RAVER2: variants seen among roughly 807,000 people sequenced by gnomAD.
RAVER2 encodes ribonucleoprotein, PTB binding 2.
A neutral mutation model predicts 78.1 loss-of-function variants in RAVER2; 46 were observed. That is an observed-to-expected ratio of 0.59 (90% CI 0.46 to 0.75). The LOEUF is 0.75. Among genes scored for constraint, RAVER2 ranks in the 30% least tolerant of loss-of-function variants. The probability of loss-of-function intolerance (pLI) is 0.00; values close to 1 mark genes in which losing one functional copy is unlikely to be tolerated. For missense variants in RAVER2, 793 were observed against 837.5 expected, an observed-to-expected ratio of 0.95 and a Z score of 0.66; for synonymous variants, 311 against 313.3, an observed-to-expected ratio of 0.99 and a Z score of 0.08.
chr1:64,832,700 C>G (rs1654188059), exon 12 of RAVER2: 1 of 152,124 alleles, frequency 6.6e-6, no homozygotes, highest in Non-Finnish European at 1.5e-5. Flanking sequence ...TGGAAAATGA[C>G]TGACAGCTAG....
Position 64,749,500 on chromosome 1 carries a change from C to T in RAVER2, c.249+4079C>T, listed in dbSNP as rs188607309. On this transcript the variant is annotated intron_variant, in intron 1 of 11. Transcript: ENST00000294428. ...TGCTGGGATTACAGGCGTGAGCCAC[C>T]GTGCCCGGCCAGTCCTGCATTGGAT... 1.4e-3 allele frequency among the ~76,000 whole-genome samples: 216 copies of T among 152,326 alleles called. 1 individual carries two copies. The highest frequency in any genetic ancestry group is 2.3e-3 in the Non-Finnish European group (156 of 68,028).
intron 1 of RAVER2, among the ~76,000 whole-genome samples, chr1:64,754,749 G>A (rs934008475): frequency 6.6e-6 from 1 of 152,210 alleles, no homozygotes; most frequent in Admixed American, 6.5e-5. Context: ...GTTGAAAAGT[G>A]CTGTTGCAGG....
At chr1:64,805,127 AGAAG>A in intron 8 of RAVER2, 22 bp downstream of exon 8, 1 of 1,576,194 alleles carries the variant, frequency 6.3e-7, no homozygotes, top group Non-Finnish European at 8.7e-7. Context: ...GTATTTACTG[AGAAG>A]TCAGTAAACA....
chr1:64,828,753 T>C (rs545218293), intron 11 of RAVER2, among the ~76,000 whole-genome samples: 1 of 152,270 alleles, frequency 6.6e-6, no homozygotes, highest in African/African-American at 2.4e-5. Flanking sequence ...TATATTTACA[T>C]TATTTTGCAA....
chr1:64,819,981 G>A (rs1479097253), intron 11 of RAVER2, among the ~76,000 whole-genome samples: 1 of 152,052 alleles, frequency 6.6e-6, no homozygotes, highest in Non-Finnish European at 1.5e-5. Context: ...TTTTCTCTTA[G>A]TTTATTTAAA....
intron 2 of RAVER2, among the ~76,000 whole-genome samples, chr1:64,777,175 C>A (rs2478150): frequency 0.49 from 73,688 of 151,906 alleles, 20,572 homozygotes; most frequent in African/African-American, 0.78. Context: ...GTCAAATAGG[C>A]TCTTTTAGAA....
At chr1:64,786,554 GC>G (rs1156872910) in intron 4 of RAVER2, among the ~76,000 whole-genome samples, 1 of 152,174 alleles carries the variant, frequency 6.6e-6, no homozygotes, top group African/African-American at 2.4e-5. Flanking sequence ...ACTTCGGGTG[GC>G]CGAGGCAGGT....
rs1317091646 is a variant in RAVER2, at chr1:64,745,323, C to T, written c.151C>T (p.Pro51Ser). The change falls in exon 1 of 12, where the codon CCT (proline) becomes TCT (serine). Residue 51 changes from proline (P) to serine (S), a missense_variant. Pro to Ser is a moderately conservative substitution (Grantham distance 74). Coordinates refer to ENST00000294428, the Ensembl canonical transcript of RAVER2. This position sits in a 1 kb window ranked among gnomAD's most constrained non-coding sequence, Gnocchi z 4.3. ...GGACCCGATGCCCGCCGCGCTGCAC[C>T]CTGAGGAGGTCGCCGCGCGACTGCA... 13 of 1,536,784 alleles carry T rather than the reference C, an allele frequency of 8.5e-6. No homozygotes were observed. The highest frequency in any genetic ancestry group is 2.3e-4 in the Middle Eastern group (1 of 4,370).
intron 2 of RAVER2, among the ~76,000 whole-genome samples, chr1:64,770,200 G>A (rs1203342237): frequency 2.6e-5 from 4 of 151,930 alleles, no homozygotes; most frequent in African/African-American, 9.7e-5. Flanking sequence ...CTGAGTCATA[G>A]GTGTGCACAA....
intron 11 of RAVER2, chr1:64,815,089 A>G (rs1179696646): frequency 2.8e-5 from 7 of 247,922 alleles, no homozygotes; most frequent in Non-Finnish European, 3.8e-5. Flanking sequence ...CATAGAACAA[A>G]TCTAGCCCAC....
At chr1:64,801,106 A>G (rs1653250885) in intron 5 of RAVER2, among the ~76,000 whole-genome samples, 1 of 149,530 alleles carries the variant, frequency 6.7e-6, no homozygotes, top group Non-Finnish European at 1.5e-5. Context: ...GTATATTATT[A>G]TTATTATTTT....
At chr1:64,822,382 AT>A (rs1653911353) in intron 11 of RAVER2, among the ~76,000 whole-genome samples, 4 of 152,266 alleles carry the variant, frequency 2.6e-5, no homozygotes, top group Admixed American at 2.6e-4. Context: ...TAAATTCTTG[AT>A]TTGGAAAGTA....
intron 5 of RAVER2, among the ~76,000 whole-genome samples, chr1:64,801,520 CTT>C (rs201988176): frequency 3.1e-4 from 45 of 144,784 alleles, no homozygotes; most frequent in Non-Finnish European, 4.7e-4. Flanking sequence ...AACATCCTCC[CTT>C]TTTTTTTTTT....
chr1:64,748,537 T>A (rs1483998951), intron 1 of RAVER2, among the ~76,000 whole-genome samples: 1 of 152,224 alleles, frequency 6.6e-6, no homozygotes, highest in Non-Finnish European at 1.5e-5. Flanking sequence ...AATTAGACTG[T>A]TGCAAGACTG....
chr1:64,803,407 T>C (rs571202200), intron 6 of RAVER2, among the ~76,000 whole-genome samples: 4 of 152,146 alleles, frequency 2.6e-5, no homozygotes, highest in Non-Finnish European at 5.9e-5. Context: ...AAAATATAAA[T>C]GAACAGTAAC....
At chr1:64,767,541 A>T (rs568664123) in intron 1 of RAVER2, among the ~76,000 whole-genome samples, 32 of 152,178 alleles carry the variant, frequency 2.1e-4, no homozygotes, top group African/African-American at 7.2e-4. Context: ...TTTAGGTTAC[A>T]TACTTAACAT....
chr1:64,747,726 C>T (rs1054283743), intron 1 of RAVER2, among the ~76,000 whole-genome samples: 7 of 152,072 alleles, frequency 4.6e-5, no homozygotes, highest in Admixed American at 4.6e-4. Context: ...GTTGACCAGG[C>T]CGGTCTTGAA....
intron 4 of RAVER2, among the ~76,000 whole-genome samples, chr1:64,784,745 A>T (rs1356764700): frequency 2.0e-5 from 3 of 152,132 alleles, no homozygotes; most frequent in Non-Finnish European, 4.4e-5. Context: ...AGTTCATCCA[A>T]ACTAAAACTA....
At chr1:64,822,345 A>T (rs1456608557) in intron 11 of RAVER2, among the ~76,000 whole-genome samples, 1 of 152,218 alleles carries the variant, frequency 6.6e-6, no homozygotes, top group African/African-American at 2.4e-5. Flanking sequence ...CAATAAAGAG[A>T]GAGAAATTAT....
Sources: allele counts gnomAD v4.1 joint callset (sites outside exome capture counted in the v4.1 genomes callset), GRCh38; gene constraint gnomAD v4.1.1; non-coding constraint Gnocchi (gnomAD v3.1); transcripts MANE v1.5; gene names NCBI Gene and HGNC (gene_info 2026-07-23, HGNC 2026-07-21).